ZFPM2: variants seen among roughly 807,000 people sequenced by gnomAD.
ZFPM2 encodes zinc finger protein ZFPM2.
A neutral mutation model predicts 98.6 loss-of-function variants in ZFPM2; 20 were observed. That is an observed-to-expected ratio of 0.20 (90% confidence interval 0.14 to 0.29). The LOEUF is 0.29. Among genes scored for constraint, ZFPM2 ranks in the 10% least tolerant of loss-of-function variants. The pLI, the probability that ZFPM2 is intolerant of heterozygous loss-of-function variation, is 1.00. For synonymous variants in ZFPM2, 518 were observed against 502.7 expected, an observed-to-expected ratio of 1.03 and a Z score of -0.41; for missense variants, 1,310 against 1,388.6, an observed-to-expected ratio of 0.94 and a Z score of 0.90.
At chr8:105,363,324 T>C (rs1810443175) in intron 1 of ZFPM2, among the ~76,000 whole-genome samples, 1 of 152,182 alleles carries the variant, frequency 6.6e-6, no homozygotes, top group Admixed American at 6.5e-5. Flanking sequence ...CACCATGAAA[T>C]GTACATTTTA....
At chr8:105,418,712 A>T (rs1455287741) in intron 1 of ZFPM2, 3 of 490,622 alleles carry the variant, frequency 6.1e-6, no homozygotes, top group Non-Finnish European at 1.2e-5. Context: ...TCTCAGTTCA[A>T]TTAAAATGCA....
chr8:105,385,114 C>G (rs1810957646), intron 1 of ZFPM2, among the ~76,000 whole-genome samples: 1 of 152,136 alleles, frequency 6.6e-6, no homozygotes, highest in Non-Finnish European at 1.5e-5. Flanking sequence ...TATACGAGAC[C>G]ACTTCTCAAA....
intron 3 of ZFPM2, among the ~76,000 whole-genome samples, chr8:105,514,491 T>G (rs1813881104): frequency 6.6e-6 from 1 of 152,148 alleles, no homozygotes; most frequent in Non-Finnish European, 1.5e-5. Context: ...TAGAGTATAT[T>G]GCGACTGAAT....
At chr8:105,466,106 T>C (rs1586392829) in intron 3 of ZFPM2, among the ~76,000 whole-genome samples, 1 of 152,046 alleles carries the variant, frequency 6.6e-6, no homozygotes, top group East Asian at 1.9e-4. Context: ...TTCGTGGCTT[T>C]TCTTAGGTAA....
intron 5 of ZFPM2, among the ~76,000 whole-genome samples, chr8:105,786,368 G>C (rs1230148463): frequency 6.6e-6 from 1 of 152,194 alleles, no homozygotes; most frequent in Non-Finnish European, 1.5e-5. Flanking sequence ...TTGCATATAT[G>C]TGTGTATTCT....
intron 6 of ZFPM2, among the ~76,000 whole-genome samples, chr8:105,790,879 G>A (rs1018672567): frequency 2.0e-4 from 31 of 152,262 alleles, no homozygotes; most frequent in African/African-American, 6.7e-4. Flanking sequence ...GTTCACTCAT[G>A]ATTTGGCTCT....
At chr8:105,431,443 C>T (rs989338063) in intron 2 of ZFPM2, among the ~76,000 whole-genome samples, 1 of 152,170 alleles carries the variant, frequency 6.6e-6, no homozygotes, top group African/African-American at 2.4e-5. Flanking sequence ...TTATTGAACA[C>T]CTGCTATGTC....
At chr8:105,472,939 A>C in intron 3 of ZFPM2, among the ~76,000 whole-genome samples, 1 of 142,398 alleles carries the variant, frequency 7.0e-6, no homozygotes, top group African/African-American at 2.6e-5. Flanking sequence ...TCTATCCCTC[A>C]GGATGGAATA....
At chr8:105,412,668 T>TA in intron 1 of ZFPM2, among the ~76,000 whole-genome samples, 1 of 151,892 alleles carries the variant, frequency 6.6e-6, no homozygotes, top group Non-Finnish European at 1.5e-5. Context: ...CTTGCTCATT[T>TA]AAAATAGTAT....
chr8:105,534,613 T>C (rs1416068841), intron 3 of ZFPM2, among the ~76,000 whole-genome samples: 1 of 152,074 alleles, frequency 6.6e-6, no homozygotes, highest in East Asian at 1.9e-4. Context: ...TAGGAGTTAA[T>C]TAAAGAGAAG....
intron 3 of ZFPM2, among the ~76,000 whole-genome samples, chr8:105,539,740 A>C (rs554543627): frequency 3.5e-4 from 54 of 152,336 alleles, no homozygotes; most frequent in Non-Finnish European, 6.3e-4. Flanking sequence ...GGCCCTAAAC[A>C]GAAAGTTGTT....
chr8:105,534,970 G>A (rs1814418721), intron 3 of ZFPM2, among the ~76,000 whole-genome samples: 1 of 152,106 alleles, frequency 6.6e-6, no homozygotes, highest in African/African-American at 2.4e-5. Context: ...TACTTACATT[G>A]AGACCATAAG....
intron 3 of ZFPM2, among the ~76,000 whole-genome samples, chr8:105,457,744 A>G (rs1192620424): frequency 6.6e-6 from 1 of 152,208 alleles, no homozygotes; most frequent in East Asian, 1.9e-4. Flanking sequence ...TGTGGTAAAC[A>G]TGCCTTCATT....
At chr8:105,408,160 T>C (rs1811499577) in intron 1 of ZFPM2, among the ~76,000 whole-genome samples, 1 of 151,934 alleles carries the variant, frequency 6.6e-6, no homozygotes, top group Non-Finnish European at 1.5e-5. Context: ...CAAGCTAGTT[T>C]TGTTATCACA....
intron 1 of ZFPM2, among the ~76,000 whole-genome samples, chr8:105,344,387 A>G (rs1780546191): frequency 6.6e-6 from 1 of 152,146 alleles, no homozygotes; most frequent in South Asian, 2.1e-4. Flanking sequence ...AAATTAAAAT[A>G]TTTTAGCTGC....
intron 1 of ZFPM2, among the ~76,000 whole-genome samples, chr8:105,413,661 G>T (rs1340639023): frequency 6.6e-6 from 1 of 151,444 alleles, no homozygotes; most frequent in Admixed American, 6.6e-5. Flanking sequence ...TTTTGAAAAA[G>T]AGTTCAAAAG....
At chr8:105,487,756 A>G (rs987925235) in intron 3 of ZFPM2, among the ~76,000 whole-genome samples, 4 of 152,284 alleles carry the variant, frequency 2.6e-5, no homozygotes, top group Admixed American at 6.5e-5. Flanking sequence ...GATTATTACC[A>G]TCATCATCAT....
At chr8:105,374,396 T>G (rs1221618510) in intron 1 of ZFPM2, among the ~76,000 whole-genome samples, 1 of 152,164 alleles carries the variant, frequency 6.6e-6, no homozygotes, top group African/African-American at 2.4e-5. Flanking sequence ...GTATGAGTTT[T>G]AAACTAAGAA....
At chr8:105,543,356 C>G (rs888972397) in intron 3 of ZFPM2, among the ~76,000 whole-genome samples, 3 of 152,058 alleles carry the variant, frequency 2.0e-5, no homozygotes, top group African/African-American at 7.2e-5. Flanking sequence ...CTTGATGGCC[C>G]ACACCTGTGG....
Sources: gnomAD v4.1 joint callset for allele counts (sites outside exome capture counted in the v4.1 genomes callset) on GRCh38, gnomAD v4.1.1 for gene constraint, MANE v1.5 for transcripts, NCBI Gene and HGNC (gene_info 2026-07-23, HGNC 2026-07-21) for gene names.